TMEM117: variants seen among roughly 807,000 people sequenced by gnomAD.
The protein encoded by TMEM117 is transmembrane protein 117.
In TMEM117, 27 loss-of-function variants were observed where a neutral mutation model predicts 52.4. The observed-to-expected ratio is 0.51, with a 90% CI of 0.38 to 0.71. TMEM117 has a LOEUF of 0.71. Among genes scored for constraint, TMEM117 ranks in the 30% least tolerant of loss-of-function variants. The pLI is 0.00. For missense variants in TMEM117, 556 were observed against 630.5 expected (o/e 0.88, Z 1.26); for synonymous variants, 215 against 206.3 (o/e 1.04, Z -0.36).
intron 4 of TMEM117, among the ~76,000 whole-genome samples, chr12:44,170,857 A>G (rs1040865212): frequency 1.3e-5 from 2 of 152,186 alleles, no homozygotes; most frequent in Admixed American, 1.3e-4. Flanking sequence ...AATGCTTTAC[A>G]TAATCACAAT....
Position 44,388,433 on chromosome 12 carries a change from A to G in TMEM117, c.1306A>G (p.Arg436Gly). 6.2e-7 allele frequency: 1 copy of G among 1,613,440 alleles called. No homozygotes were observed. The highest frequency in any genetic ancestry group is 1.1e-5 in the South Asian group (1 of 91,074). ...NQDKTYTRMK[R>G]KSPSEHSKDM... Reference sequence around the variant, plus strand: ...AGACAAAACTTACACTCGCATGAAAAGAAAATCTCCATCAGAACATAGCAA... The same window carrying G: ...AGACAAAACTTACACTCGCATGAAAGGAAAATCTCCATCAGAACATAGCAA... The change falls in exon 8 of 8, where the codon AGA becomes GGA. Residue 436 changes from arginine to glycine, a missense_variant. This residue lies in a region of TMEM117 where 206 missense variants were observed against 211.1 expected (regional missense o/e 0.98). Coordinates refer to ENST00000266534, the MANE Select transcript of TMEM117 (RefSeq NM_032256.3).
chr12:43,865,334 G>T lies in TMEM117; in HGVS notation c.277+20406G>T, dbSNP rs193044471. On this transcript the variant is annotated intron_variant, in intron 2 of 7. Transcript: ENST00000266534. ...TAACTTGGGCATTGAAACCCCAGAA[G>T]GGTGCCCCTTAGAAATAAACAATAC... is the stretch of plus-strand genomic sequence containing the variant. Among the ~76,000 whole-genome samples, 225 of 152,284 alleles carry T rather than the reference G, an allele frequency of 1.5e-3. 2 individuals carry two copies. Among genetic ancestry groups the T allele is most frequent in the African/African-American group, 4.9e-3 (204 of 41,550 alleles).
chr12:43,982,845 A>C (rs1252103975), intron 3 of TMEM117, among the ~76,000 whole-genome samples: 1 of 152,208 alleles, frequency 6.6e-6, no homozygotes, highest in African/African-American at 2.4e-5. Context: ...CTTGAGCTAT[A>C]CAAATTTCCC....
chr12:43,896,207 G>GTA (rs1944198942), intron 2 of TMEM117, among the ~76,000 whole-genome samples: 1 of 152,190 alleles, frequency 6.6e-6, no homozygotes, highest in African/African-American at 2.4e-5. Flanking sequence ...CAGCAATAGT[G>GTA]TATGAGGCAC....
chr12:44,137,372 A>G (rs1948506418), intron 3 of TMEM117, among the ~76,000 whole-genome samples: 1 of 152,112 alleles, frequency 6.6e-6, no homozygotes, highest in African/African-American at 2.4e-5. Context: ...TTATAAGTGT[A>G]TTATGAAATG....
chr12:44,388,291 C>T lies in TMEM117; in HGVS notation c.1164C>T (p.Ala388=). The T allele has an allele frequency of 1.2e-6, 2 of 1,613,532 alleles. No homozygotes were observed. Among genetic ancestry groups the T allele is most frequent in the Middle Eastern group, 1.7e-4 (1 of 6,052 alleles). Residue 388 remains alanine, a synonymous_variant, in exon 8 of 8, where the codon GCC becomes GCT. Transcript: ENST00000266534. ...TCTTACACAGCAGGTTCATAGGAGC[C>T]AGTCTTGATGTCAAGTGTCTGGCCT... ...DMFLHSRFIG[A]SLDVKCLAFV...
chr12:44,103,909 C>G (rs1044783714), intron 3 of TMEM117, among the ~76,000 whole-genome samples: 1 of 151,602 alleles, frequency 6.6e-6, no homozygotes, highest in East Asian at 1.9e-4. Flanking sequence ...TGTTTTTTTT[C>G]TCACTAACTT....
At chr12:44,139,762 T>A (rs1199291920) in intron 3 of TMEM117, among the ~76,000 whole-genome samples, 2 of 152,092 alleles carry the variant, frequency 1.3e-5, no homozygotes, top group Non-Finnish European at 2.9e-5. Flanking sequence ...GCAAATAAAG[T>A]TTAATTCTGA....
At chr12:43,964,319 G>A (rs1945450572) in intron 3 of TMEM117, among the ~76,000 whole-genome samples, 1 of 152,064 alleles carries the variant, frequency 6.6e-6, no homozygotes, top group African/African-American at 2.4e-5. Flanking sequence ...CTGGGAGGGG[G>A]AGAACCAGAA....
At chr12:44,173,920 A>T (rs909848567) in intron 4 of TMEM117, among the ~76,000 whole-genome samples, 6 of 152,100 alleles carry the variant, frequency 3.9e-5, no homozygotes, top group African/African-American at 1.4e-4. Context: ...ATGATGAATT[A>T]TTTATTTCTA....
intron 3 of TMEM117, among the ~76,000 whole-genome samples, chr12:44,006,118 G>A (rs976381420): frequency 6.6e-6 from 1 of 152,126 alleles, no homozygotes; most frequent in Non-Finnish European, 1.5e-5. Context: ...CAGCAGTATG[G>A]CACCAGTTTG....
chr12:44,273,233 G>C (rs889950716), intron 5 of TMEM117, among the ~76,000 whole-genome samples: 18 of 151,386 alleles, frequency 1.2e-4, no homozygotes, highest in Non-Finnish European at 1.8e-4. Context: ...GGGTGGAGGT[G>C]GGGGGATAGC....
At chr12:44,092,069 A>T (rs895723532) in intron 3 of TMEM117, among the ~76,000 whole-genome samples, 8 of 152,230 alleles carry the variant, frequency 5.3e-5, no homozygotes, top group African/African-American at 1.9e-4. Flanking sequence ...CAGATGCCTC[A>T]TCTTGGAATA....
chr12:43,864,730 G>A (rs1330029583), intron 2 of TMEM117, among the ~76,000 whole-genome samples: 1 of 152,146 alleles, frequency 6.6e-6, no homozygotes, highest in Non-Finnish European at 1.5e-5. Context: ...CTGTAAAATG[G>A]ACCAATCAGC....
chr12:44,051,397 A>G (rs1249791677), intron 3 of TMEM117, among the ~76,000 whole-genome samples: 3 of 152,246 alleles, frequency 2.0e-5, no homozygotes, highest in African/African-American at 7.2e-5. Flanking sequence ...TATATATGCA[A>G]GAAATGTCAG....
intron 6 of TMEM117, among the ~76,000 whole-genome samples, chr12:44,309,166 G>T (rs763779681): frequency 6.6e-6 from 1 of 152,162 alleles, no homozygotes; most frequent in South Asian, 2.1e-4. Context: ...ATGAAGTCAT[G>T]AAATTTTAGA....
chr12:44,151,506 G>A lies in TMEM117; in HGVS notation c.510+7882G>A, dbSNP rs188591815. On this transcript the variant is annotated intron_variant, in intron 4 of 7. Transcript: ENST00000266534. ...GTATATCTCCTAATGCTATCCCTCC[G>A]CCCTCCCCCCACCCCACAACAGTCC... Among the ~76,000 whole-genome samples, 17 of 69,804 alleles carry A rather than the reference G, an allele frequency of 2.4e-4. No individual in the cohort carries two copies. The Admixed American group carries it at 2.7e-3, about 11-fold the overall frequency. The allele number at this position is 69,804 out of a possible 152,430, so 45.8% of individuals were successfully genotyped here.
At chr12:44,228,433 G>A (rs1012042673) in intron 5 of TMEM117, among the ~76,000 whole-genome samples, 1 of 152,066 alleles carries the variant, frequency 6.6e-6, no homozygotes, top group African/African-American at 2.4e-5. Flanking sequence ...AACATATGTG[G>A]AAAAAACAGA....
chr12:44,308,558 G>T (rs1266382592), intron 6 of TMEM117, among the ~76,000 whole-genome samples: 1 of 151,832 alleles, frequency 6.6e-6, no homozygotes, highest in Non-Finnish European at 1.5e-5. Context: ...TTGTATAGGT[G>T]ATGCTAAATG....
Sources: allele counts gnomAD v4.1 joint callset (sites outside exome capture counted in the v4.1 genomes callset), GRCh38; gene constraint gnomAD v4.1.1; regional missense constraint gnomAD v4.1.1; transcripts MANE v1.5; gene names NCBI Gene and HGNC (gene_info 2026-07-23, HGNC 2026-07-21).